The following MYBPHL variants were observed in gnomAD, a reference collection of about 807,000 sequenced individuals.
MYBPHL encodes myosin-binding protein H-like.
A neutral mutation model predicts 39.5 loss-of-function variants in MYBPHL; 32 were observed. That is an observed-to-expected ratio of 0.81 (90% CI 0.61 to 1.09). The LOEUF is 1.09. Ranked by LOEUF, MYBPHL falls within the 50% of genes least tolerant of loss-of-function variation. MYBPHL has a pLI of 0.00. For missense variants in MYBPHL, 456 were observed against 460.2 expected (o/e 0.99, Z 0.08); for synonymous variants, 196 against 183.7 (o/e 1.07, Z -0.54).
At chr1:109,298,689 C>T (rs1355092371) in intron 1 of MYBPHL, among the ~76,000 whole-genome samples, 2 of 152,120 alleles carry the variant, frequency 1.3e-5, no homozygotes, top group Non-Finnish European at 2.9e-5. Flanking sequence ...TCAATCCTGA[C>T]CTCCCAGTTA....
chr1:109,294,342 G>A (rs1197251801), intron 7 of MYBPHL, 93 bp from the exon 8 acceptor site: 1 of 1,273,532 alleles, frequency 7.9e-7, no homozygotes, highest in Non-Finnish European at 1.1e-6. Flanking sequence ...TCTATTTCAG[G>A]TTCTTGGGGA....
At chr1:109,306,424 C>T (rs1191119391) in intron 1 of MYBPHL, among the ~76,000 whole-genome samples, 1 of 152,180 alleles carries the variant, frequency 6.6e-6, no homozygotes, top group African/African-American at 2.4e-5. Flanking sequence ...TGCTGCCCCA[C>T]TCTTAGCCTC....
Position 109,296,673 on chromosome 1 carries a change from A to T in MYBPHL, c.730+110T>A, listed in dbSNP as rs1044960621. 26 of 1,299,516 alleles carry T rather than the reference A, an allele frequency of 2.0e-5. No individual in the cohort carries two copies. The African/African-American group carries it at 3.4e-4, about 17-fold the overall frequency. 80.5% of individuals were successfully genotyped at this position (1,299,516 alleles called of 1,614,324 possible). On this transcript the variant is annotated intron_variant, in intron 5 of 8. Coordinates refer to ENST00000357155, the MANE Select transcript of MYBPHL (RefSeq NM_001010985.3). ...AGGCTGGTCTTGAACTCCTGACCTC[A>T]GGTGATCCGCCTGCCTTGGCCTCCC... is the stretch of plus-strand genomic sequence containing the variant.
chr1:109,295,377 C>T, intron 6 of MYBPHL, 80 bp from the exon 7 acceptor site: 1 of 1,349,764 alleles, frequency 7.4e-7, no homozygotes, highest in Non-Finnish European at 1.0e-6. Flanking sequence ...GTTTCTGGGA[C>T]TCTGTCTATA....
At chr1:109,296,116 G>T in intron 6 of MYBPHL, 118 bp downstream of exon 6, 1 of 1,292,450 alleles carries the variant, frequency 7.7e-7, no homozygotes, top group Non-Finnish European at 1.1e-6. Flanking sequence ...CTGTAGAAGA[G>T]GCAGATGGCG....
intron 1 of MYBPHL, among the ~76,000 whole-genome samples, chr1:109,302,522 G>A (rs1200157193): frequency 6.6e-6 from 1 of 152,090 alleles, no homozygotes. Flanking sequence ...TCCCCCTAGT[G>A]CTTGATGGTT....
intron 1 of MYBPHL, among the ~76,000 whole-genome samples, chr1:109,303,514 G>A (rs1438591391): frequency 6.6e-6 from 1 of 152,302 alleles, no homozygotes; most frequent in African/African-American, 2.4e-5. Context: ...GCCATTAATA[G>A]TGACCACCAC....
rs750192441 is a variant in MYBPHL, at chr1:109,306,811, C to T, written c.145+36G>A. Reference sequence around the variant, plus strand: ...CGATGTCTTCCCCAACTCCCACCACCCGGCCTCCCCACCCTCCCCACCTGC... The same window carrying T: ...CGATGTCTTCCCCAACTCCCACCACTCGGCCTCCCCACCCTCCCCACCTGC... On this transcript the variant is annotated intron_variant, in intron 1 of 8. Coordinates refer to ENST00000357155, the MANE Select transcript of MYBPHL (RefSeq NM_001010985.3). 49 of 1,528,222 alleles carry T rather than the reference C, an allele frequency of 3.2e-5. No individual in the cohort carries two copies. The South Asian group carries it at 5.9e-4, about 18-fold the overall frequency. The allele number at this position is 1,528,222 out of a possible 1,614,324, so 94.7% of individuals were successfully genotyped here. A position where few individuals can be genotyped will look rare whatever the true frequency, so the allele number is the denominator to read the frequency against.
Position 109,296,280 on chromosome 1 carries a change from G to C in MYBPHL, c.821C>G (p.Thr274Ser). 1 of 1,614,086 alleles carries C rather than the reference G, an allele frequency of 6.2e-7. No individual in the cohort carries two copies. The highest frequency in any genetic ancestry group is 8.5e-7 in the Non-Finnish European group (1 of 1,180,012). The change falls in exon 6 of 9, where the codon ACC becomes AGC. Residue 274 changes from threonine (T) to serine (S), a missense_variant. Physicochemically the swap from Thr to Ser is moderately conservative, Grantham distance 58. Coordinates refer to ENST00000357155, the MANE Select transcript of MYBPHL (RefSeq NM_001010985.3). ...TQPLADCTTV[T>S]GYNTQLFCCV... ...GCAGAAGAGCTGGGTATTATAGCCG[G>C]TGACTGTAGTGCAGTCGGCCAGAGG...
intron 1 of MYBPHL, among the ~76,000 whole-genome samples, chr1:109,306,022 A>T (rs1000104328): frequency 8.5e-5 from 13 of 152,160 alleles, no homozygotes; most frequent in African/African-American, 2.9e-4. Flanking sequence ...CGGCACTAGG[A>T]ATTGAGCCTA....
At chr1:109,295,915 T>C (rs1299763649) in intron 6 of MYBPHL, among the ~76,000 whole-genome samples, 1 of 152,174 alleles carries the variant, frequency 6.6e-6, no homozygotes, top group Non-Finnish European at 1.5e-5. Flanking sequence ...GGATGAGGTA[T>C]GCATGGGAAG....
rs1570862403 is a variant in MYBPHL, at chr1:109,306,845, A to C, written c.145+2T>G. The C allele has an allele frequency of 6.4e-7, 1 of 1,558,766 alleles. No homozygotes were observed. Among genetic ancestry groups the C allele is most frequent in the Non-Finnish European group, 8.6e-7 (1 of 1,156,150 alleles). On this transcript the variant is annotated splice_donor_variant, in intron 1 of 8. Coordinates refer to ENST00000357155, the MANE Select transcript of MYBPHL (RefSeq NM_001010985.3). LOFTEE classifies it high-confidence loss of function. ...CCACCCTCCCCACCTGCCATGGGTCACCTTCTATAGGGGGCAGGAGCTGGG... is the reference window on the plus strand; with the variant it reads ...CCACCCTCCCCACCTGCCATGGGTCCCCTTCTATAGGGGGCAGGAGCTGGG...
intron 1 of MYBPHL, 92 bp downstream of exon 1, chr1:109,306,755 A>C: frequency 8.6e-7 from 1 of 1,161,100 alleles, no homozygotes; most frequent in South Asian, 1.7e-5. Flanking sequence ...TTAGCTCTGC[A>C]GAAAACCTGA....
At chr1:109,300,465 T>C (rs1658240788) in intron 1 of MYBPHL, among the ~76,000 whole-genome samples, 1 of 152,194 alleles carries the variant, frequency 6.6e-6, no homozygotes, top group Non-Finnish European at 1.5e-5. Context: ...CAGGCCTTCA[T>C]GCCTGACAGA....
chr1:109,303,736 G>A (rs908819022), intron 1 of MYBPHL, among the ~76,000 whole-genome samples: 5 of 152,060 alleles, frequency 3.3e-5, no homozygotes, highest in African/African-American at 1.2e-4. Flanking sequence ...TCTACACTTG[G>A]TCCTGTCAGT....
intron 1 of MYBPHL, among the ~76,000 whole-genome samples, chr1:109,298,804 G>A (rs576693951): frequency 3.3e-5 from 5 of 152,188 alleles, no homozygotes; most frequent in East Asian, 1.9e-4. Context: ...GACAGAGCAC[G>A]TGTCTGGGTC....
intron 6 of MYBPHL, 102 bp downstream of exon 6, chr1:109,296,131 TG>T: frequency 7.1e-7 from 1 of 1,403,650 alleles, no homozygotes; most frequent in Non-Finnish European, 9.7e-7. Context: ...ATGGCGGTGA[TG>T]GTAACAGATG....
chr1:109,297,137 G>A lies in MYBPHL; in HGVS notation c.483C>T (p.Ser161=), dbSNP rs777907150. The A allele has an allele frequency of 3.2e-5, 52 of 1,614,032 alleles. No homozygotes were observed. The highest frequency in any genetic ancestry group is 1.3e-4 in the African/African-American group (10 of 74,910). Residue 161 remains serine (S), a synonymous_variant, in exon 4 of 9, where the codon AGC becomes AGT. Coordinates refer to ENST00000357155, the MANE Select transcript of MYBPHL (RefSeq NM_001010985.3). ...SIKLVDVWGF[S]ATLEWTPPQD... ...GGGGCGGTGTCCATTCCAGTGTAGC[G>A]CTGAAGCCCCAAACGTCCACCAGCT...
Position 109,297,447 on chromosome 1 carries a change from G to T in MYBPHL, c.405C>A (p.Thr135=). ...LRVQLGGLEA[T]ATIDILVIER... is the part of the protein sequence containing the mutation. The stretch of plus-strand genomic sequence containing the variant: ...CAATCACCAGGATGTCAATGGTGGC[G>T]GTGGCCTCCAGCCCACCCAGCTGCA... Residue 135 remains threonine (T), a synonymous_variant, in exon 3 of 9, where the codon ACC becomes ACA. Coordinates refer to ENST00000357155, the MANE Select transcript of MYBPHL (RefSeq NM_001010985.3). 2 of 1,612,738 alleles carry T rather than the reference G, an allele frequency of 1.2e-6. No individual in the cohort carries two copies. The highest frequency in any genetic ancestry group is 1.7e-6 in the Non-Finnish European group (2 of 1,179,894).
Sources: allele counts gnomAD v4.1 joint callset (sites outside exome capture counted in the v4.1 genomes callset), GRCh38; gene constraint gnomAD v4.1.1; transcripts MANE v1.5; gene names NCBI Gene and HGNC (gene_info 2026-07-23, HGNC 2026-07-21).